KCTD1: variants seen among roughly 807,000 people sequenced by gnomAD.
KCTD1 encodes potassium channel tetramerization domain containing 1, also known as BTB/POZ domain-containing protein KCTD1.
A neutral mutation model predicts 66.0 loss-of-function variants in KCTD1; 24 were observed. That is an observed-to-expected ratio of 0.36 (90% CI 0.26 to 0.51). The LOEUF is 0.51. KCTD1 is among the 20% of genes least tolerant of loss of function. KCTD1 has a pLI of 0.95. For missense variants in KCTD1, 943 were observed against 1,205.2 expected (o/e 0.78, Z 3.22); for synonymous variants, 511 against 517.2 (o/e 0.99, Z 0.16).
chr18:26,566,742 TC>T (rs1216016052), intron 1 of KCTD1: 7 of 145,210 alleles, frequency 4.8e-5, no homozygotes, highest in African/African-American at 7.8e-5. Flanking sequence ...TGCGGTCTCA[TC>T]CCAAAGTCAC....
intron 4 of KCTD1, 43 bp from the exon 5 acceptor site, chr18:26,455,944 G>A (rs528886831): frequency 2.8e-6 from 4 of 1,432,740 alleles, no homozygotes; most frequent in Non-Finnish European, 3.8e-6. Context: ...GGTGAGGTAA[G>A]TCCTATGGCT....
intron 3 of KCTD1, among the ~76,000 whole-genome samples, chr18:26,466,536 G>A (rs981884550): frequency 5.3e-5 from 8 of 152,170 alleles, no homozygotes; most frequent in African/African-American, 1.9e-4. Flanking sequence ...GGTGCTACTG[G>A]AATTTGATGG....
At chr18:26,491,032 T>C (rs1013634678) in intron 2 of KCTD1, among the ~76,000 whole-genome samples, 1 of 152,020 alleles carries the variant, frequency 6.6e-6, no homozygotes, top group Admixed American at 6.6e-5. Flanking sequence ...GGATTACAGG[T>C]GTGAGCCACC....
chr18:26,460,101 A>G (rs956218030), intron 3 of KCTD1, among the ~76,000 whole-genome samples, 176 bp from the exon 4 acceptor site: 5 of 152,168 alleles, frequency 3.3e-5, no homozygotes, highest in Admixed American at 6.5e-5. Flanking sequence ...TCATTCATTC[A>G]TTCATTCAGT....
chr18:26,578,231 T>A (rs1986276074), intron 1 of KCTD1, among the ~76,000 whole-genome samples: 1 of 151,998 alleles, frequency 6.6e-6, no homozygotes, highest in Non-Finnish European at 1.5e-5. Context: ...AATTCCACCT[T>A]TTATCTTAGT....
chr18:26,621,060 C>G (rs900475402), intron 1 of KCTD1, among the ~76,000 whole-genome samples: 3 of 151,628 alleles, frequency 2.0e-5, no homozygotes, highest in African/African-American at 7.3e-5. Flanking sequence ...GTCTTGATCT[C>G]CTGACCTCGT....
chr18:26,472,502 C>T (rs554958905), intron 3 of KCTD1, among the ~76,000 whole-genome samples: 234 of 152,280 alleles, frequency 1.5e-3, no homozygotes, highest in Non-Finnish European at 2.3e-3. Context: ...CTAAAGCATA[C>T]GGAACTAAAA....
Position 26,459,704 on chromosome 18 carries a change from G to A in KCTD1, c.2355C>T (p.Asn785=), listed in dbSNP as rs779711539. 1.2e-5 allele frequency: 19 copies of A among 1,613,948 alleles called. No homozygotes were observed. The highest frequency in any genetic ancestry group is 8.0e-5 in the African/African-American group (6 of 74,920). The change falls in exon 4 of 5, where the codon AAC becomes AAT. Residue 785 remains asparagine, a synonymous_variant. Coordinates refer to ENST00000580059, the MANE Select transcript of KCTD1 (RefSeq NM_001142730.3). ...CGTGATTCCAGCCTGCATTGACAGA[G>A]TTACACATCACGTCGCCGATCTCTG... ...VFPEIGDVMC[N]SVNAGWNHDS...
intron 1 of KCTD1, among the ~76,000 whole-genome samples, chr18:26,574,232 A>T (rs1024949989): frequency 2.0e-5 from 3 of 152,240 alleles, no homozygotes; most frequent in African/African-American, 7.2e-5. Flanking sequence ...TCTTAAATAA[A>T]CACATTCTCC....
At chr18:26,630,924 A>G (rs67985029), upstream of KCTD1, among the ~76,000 whole-genome samples, 7,934 of 152,276 alleles carry the variant, frequency 0.052, 304 homozygotes, top group East Asian at 0.14. Context: ...GAAGCTCTTA[A>G]GTGAAAGTTT....
intron 1 of KCTD1, among the ~76,000 whole-genome samples, chr18:26,616,107 T>G (rs1037100826): frequency 6.6e-6 from 1 of 152,122 alleles, no homozygotes; most frequent in African/African-American, 2.4e-5. Context: ...TGCTTTTAAT[T>G]GTCATGGCAG....
At chr18:26,484,014 C>G (rs1159617351) in intron 2 of KCTD1, among the ~76,000 whole-genome samples, 1 of 152,080 alleles carries the variant, frequency 6.6e-6, no homozygotes, top group Non-Finnish European at 1.5e-5. Context: ...AAAAGTTTTT[C>G]TGTTAAAAAA....
chr18:26,613,949 G>A (rs1226050528), intron 1 of KCTD1, among the ~76,000 whole-genome samples: 2 of 152,104 alleles, frequency 1.3e-5, no homozygotes, highest in Non-Finnish European at 2.9e-5. Context: ...TCTGAGCAAG[G>A]CCTTCCCTGC....
At chr18:26,543,008 C>CA (rs1259508579) in intron 1 of KCTD1, 1 of 131,610 alleles carries the variant, frequency 7.6e-6, no homozygotes, top group Non-Finnish European at 1.7e-5. Flanking sequence ...CTAGTTTAAA[C>CA]AGATAAAGAA....
chr18:26,511,200 C>T (rs1161588679), intron 1 of KCTD1, among the ~76,000 whole-genome samples: 44 of 152,180 alleles, frequency 2.9e-4, no homozygotes, highest in Admixed American at 2.9e-3. Context: ...TGGAACTAAA[C>T]TTAGGGATAA....
At chr18:26,586,219 G>A (rs528825670) in intron 1 of KCTD1, among the ~76,000 whole-genome samples, 152 of 152,200 alleles carry the variant, frequency 1.0e-3, no homozygotes, top group African/African-American at 2.3e-3. Context: ...TCTTTGTGTC[G>A]TGTTTTGGTA....
chr18:26,516,554 C>A (rs1477295185), intron 1 of KCTD1, among the ~76,000 whole-genome samples: 1 of 152,128 alleles, frequency 6.6e-6, no homozygotes, highest in Non-Finnish European at 1.5e-5. Flanking sequence ...ATGTTCACCA[C>A]TAAATGAGCT....
At chr18:26,578,037 G>GCTTTTTT (rs1555644405) in intron 1 of KCTD1, among the ~76,000 whole-genome samples, 1 of 142,356 alleles carries the variant, frequency 7.0e-6, no homozygotes, top group Admixed American at 6.9e-5. Flanking sequence ...TCTCCACCTT[G>GCTTTTTT]CTTTTCTTTT....
intron 1 of KCTD1, among the ~76,000 whole-genome samples, chr18:26,639,020 C>T (rs1427706245): frequency 6.6e-6 from 1 of 152,114 alleles, no homozygotes; most frequent in South Asian, 2.1e-4. Flanking sequence ...CACGGGACTG[C>T]GGCCCAGCCT....
Sources: allele counts gnomAD v4.1 joint callset (sites outside exome capture counted in the v4.1 genomes callset), GRCh38; gene constraint gnomAD v4.1.1; transcripts MANE v1.5; gene names NCBI Gene and HGNC (gene_info 2026-07-23, HGNC 2026-07-21).